Variants in MAML3 observed in about 807,000 individuals in gnomAD.
The protein encoded by MAML3 is mastermind like transcriptional coactivator 3, also known as mastermind-like protein 3.
MAML3 carries 27 observed loss-of-function variants against 101.9 expected under a neutral mutation model. The observed-to-expected ratio is 0.27, with a 90% CI of 0.20 to 0.37. The LOEUF (loss-of-function observed/expected upper bound fraction) is 0.37, where lower values mean the gene tolerates loss of function less well. Ranked by LOEUF, MAML3 falls within the 10% of genes least tolerant of loss-of-function variation. The pLI is 1.00. For synonymous variants in MAML3, 501 were observed against 555.9 expected (o/e 0.90, Z 1.39); for missense variants, 1,316 against 1,444.9 (o/e 0.91, Z 1.45).
chr4:139,816,944 A>G (rs892821975), intron 2 of MAML3, among the ~76,000 whole-genome samples: 6 of 152,126 alleles, frequency 3.9e-5, no homozygotes, highest in African/African-American at 1.4e-4. Context: ...TTTATATTAC[A>G]ATTAGAAAGA....
At chr4:139,852,119 CTT>C (rs1731564215) in intron 2 of MAML3, among the ~76,000 whole-genome samples, 1 of 152,186 alleles carries the variant, frequency 6.6e-6, no homozygotes, top group Non-Finnish European at 1.5e-5. Context: ...GAAGTACAAA[CTT>C]TGGAATTATT....
At chr4:139,839,176 G>T (rs112093069) in intron 2 of MAML3, among the ~76,000 whole-genome samples, 3,009 of 152,228 alleles carry the variant, frequency 0.02, 43 homozygotes, top group Middle Eastern at 0.062. Flanking sequence ...CAGCCTGTGA[G>T]CCCCACACAC....
At chr4:139,904,507 T>G (rs79158708) in intron 1 of MAML3, among the ~76,000 whole-genome samples, 1,657 of 152,236 alleles carry the variant, frequency 0.011, 34 homozygotes, top group African/African-American at 0.038. Flanking sequence ...TCGTTTGCAG[T>G]AGGCATAGGC....
intron 2 of MAML3, among the ~76,000 whole-genome samples, chr4:139,869,530 A>T (rs1183848659): frequency 6.6e-6 from 1 of 152,216 alleles, no homozygotes; most frequent in Non-Finnish European, 1.5e-5. Context: ...TGCCAAAATG[A>T]TGCTAGAAAG....
chr4:139,899,861 C>A (rs1732681929), intron 1 of MAML3, among the ~76,000 whole-genome samples: 1 of 152,168 alleles, frequency 6.6e-6, no homozygotes, highest in Admixed American at 6.5e-5. Context: ...TTTCGACCAT[C>A]CCAGAATGCG....
intron 2 of MAML3, among the ~76,000 whole-genome samples, chr4:139,807,162 A>C (rs565145850): frequency 6.6e-6 from 1 of 152,224 alleles, no homozygotes; most frequent in Non-Finnish European, 1.5e-5. Flanking sequence ...ATGACCCTAA[A>C]TAAGCCATTT....
At chr4:139,962,124 GT>G (rs398064093) in intron 1 of MAML3, among the ~76,000 whole-genome samples, 89 of 144,246 alleles carry the variant, frequency 6.2e-4, no homozygotes, top group East Asian at 3.8e-3. Flanking sequence ...TCCTGTTTTT[GT>G]TTTTTTTTTT....
At chr4:140,086,977 T>C (rs912311403) in intron 1 of MAML3, among the ~76,000 whole-genome samples, 2 of 152,124 alleles carry the variant, frequency 1.3e-5, no homozygotes, top group Non-Finnish European at 2.9e-5. Context: ...ATGGCCAACA[T>C]GGCGAAACCC....
chr4:140,071,797 A>G (rs1412073404), intron 1 of MAML3, among the ~76,000 whole-genome samples: 2 of 117,560 alleles, frequency 1.7e-5, no homozygotes, highest in Non-Finnish European at 3.8e-5. Flanking sequence ...GAAGGCACGC[A>G]TCTGCTTTAT....
At chr4:140,009,617 G>A (rs1726515494) in intron 1 of MAML3, among the ~76,000 whole-genome samples, 1 of 152,148 alleles carries the variant, frequency 6.6e-6, no homozygotes, top group Admixed American at 6.5e-5. Context: ...TTCTCCCTAA[G>A]TCAAGGAAAC....
In MAML3 at chr4:139,904,617, A is replaced by G. The variant is rs1578589878; in HGVS notation, c.469-13650T>C. Among the ~76,000 whole-genome samples, 6 of 152,234 alleles carry G rather than the reference A, an allele frequency of 3.9e-5. No homozygotes were observed. In the South Asian group the frequency reaches 1.2e-3, roughly 31 times the overall value. ...ACACAACCCGAGAACTTAAGCATTC[A>G]TAGTGAGGTGAAGACAGCCCAGGCA... On this transcript the variant is annotated intron_variant, in intron 1 of 4. Coordinates refer to ENST00000509479, the MANE Select transcript of MAML3 (RefSeq NM_018717.5).
At chr4:140,082,932 T>C (rs1425771957) in intron 1 of MAML3, among the ~76,000 whole-genome samples, 2 of 152,148 alleles carry the variant, frequency 1.3e-5, no homozygotes, top group East Asian at 1.9e-4. Context: ...AGGCAATCCC[T>C]GAAAACAGGC....
chr4:139,836,965 A>G (rs900136007), intron 2 of MAML3, among the ~76,000 whole-genome samples: 1 of 151,738 alleles, frequency 6.6e-6, no homozygotes, highest in Non-Finnish European at 1.5e-5. Flanking sequence ...TCTACTAAAA[A>G]TACAAAATTA....
intron 2 of MAML3, among the ~76,000 whole-genome samples, chr4:139,753,607 A>G (rs2111044182): frequency 6.6e-6 from 1 of 152,314 alleles, no homozygotes; most frequent in African/African-American, 2.4e-5. Flanking sequence ...AGGGAAAAAT[A>G]TCTGTATTAG....
At chr4:139,730,799 G>C in intron 2 of MAML3, 132 bp from the exon 3 acceptor site, 1 of 772,270 alleles carries the variant, frequency 1.3e-6, no homozygotes, top group Non-Finnish European at 2.1e-6. Flanking sequence ...TGAGTGGCAC[G>C]CATTGCATTT....
chr4:139,822,267 CCACCAT>C (rs1350805332), intron 2 of MAML3, among the ~76,000 whole-genome samples: 7 of 145,672 alleles, frequency 4.8e-5, no homozygotes, highest in East Asian at 4.0e-4. Flanking sequence ...ACCACCACCA[CCACCAT>C]CATCATCATC....
chr4:140,145,551 TTTTTG>T (rs370089585), intron 1 of MAML3, among the ~76,000 whole-genome samples: 100 of 131,192 alleles, frequency 7.6e-4, no homozygotes, highest in South Asian at 1.9e-3. Flanking sequence ...TTTTGAGATT[TTTTTG>T]TTTTGTTTTG....
chr4:139,943,773 C>G (rs1034699037), intron 1 of MAML3, among the ~76,000 whole-genome samples: 7 of 151,528 alleles, frequency 4.6e-5, no homozygotes, highest in African/African-American at 1.7e-4. Flanking sequence ...TAAATACCAC[C>G]TTTCTGATAA....
chr4:140,073,247 C>T (rs796528158), intron 1 of MAML3, among the ~76,000 whole-genome samples: 23 of 152,016 alleles, frequency 1.5e-4, no homozygotes, highest in African/African-American at 5.3e-4. Flanking sequence ...AAGCAATTCT[C>T]GTGCCTCAAC....
Sources: gnomAD v4.1 joint callset for allele counts (sites outside exome capture counted in the v4.1 genomes callset) on GRCh38, gnomAD v4.1.1 for gene constraint, MANE v1.5 for transcripts, NCBI Gene and HGNC (gene_info 2026-07-23, HGNC 2026-07-21) for gene names.